FAM98B: variants seen among roughly 807,000 people sequenced by gnomAD.
The protein encoded by FAM98B is tRNA-splicing ligase complex subunit FAM98B.
FAM98B carries 32 observed loss-of-function variants against 43.9 expected under a neutral mutation model. That is an observed-to-expected ratio of 0.73 (90% CI 0.55 to 0.98). FAM98B has a LOEUF of 0.98. Ranked by LOEUF, FAM98B falls within the 50% of genes least tolerant of loss-of-function variation. The probability of loss-of-function intolerance (pLI) is 0.00; values close to 1 mark genes in which losing one functional copy is unlikely to be tolerated. For missense variants in FAM98B, 514 were observed against 522.9 expected (o/e 0.98, Z 0.17); for synonymous variants, 190 against 174.0 (o/e 1.09, Z -0.72).
intron 5 of FAM98B, 124 bp from the exon 6 acceptor site, chr15:38,474,058 C>A (rs1890161639): frequency 4.7e-6 from 3 of 632,244 alleles, no homozygotes; most frequent in Non-Finnish European, 8.4e-6. Flanking sequence ...CTCATGGGAA[C>A]AGAAAATGGT....
intron 1 of FAM98B, 141 bp downstream of exon 1, chr15:38,454,373 A>G (rs1372704245): frequency 1.5e-5 from 13 of 845,084 alleles, no homozygotes; most frequent in Non-Finnish European, 2.4e-5. Context: ...TCCGGCGCCG[A>G]CGGAGTTAAG....
chr15:38,481,567 A>T, intron 7 of FAM98B, 108 bp downstream of exon 7: 1 of 1,612,694 alleles, frequency 6.2e-7, no homozygotes, highest in Non-Finnish European at 8.5e-7. Flanking sequence ...TGTTTAGAAA[A>T]AAGAGTGGCA....
chr15:38,456,220 G>A (rs1266860991), intron 1 of FAM98B, among the ~76,000 whole-genome samples: 1 of 152,192 alleles, frequency 6.6e-6, no homozygotes, highest in Admixed American at 6.5e-5. Context: ...AGAGAGGGCT[G>A]GAGCAGATGA....
intron 7 of FAM98B, chr15:38,482,860 A>T (rs576011453): frequency 1.1e-4 from 16 of 152,346 alleles, no homozygotes; most frequent in Non-Finnish European, 1.5e-4. Context: ...TTGGATACTT[A>T]AACTCTTCCC....
chr15:38,481,464 G>A lies in FAM98B; in HGVS notation c.897+5G>A, dbSNP rs1438478083. The A allele has an allele frequency of 1.2e-6, 2 of 1,614,076 alleles. No individual in the cohort carries two copies. The highest frequency in any genetic ancestry group is 2.7e-5 in the African/African-American group (2 of 74,942). ...ACCGCATGTGCCATTAATAAGGTTG[G>A]TGTTTCTTTCAGTACAGTGGAAAAT... is the stretch of plus-strand genomic sequence containing the variant. On this transcript the variant is annotated splice_donor_5th_base_variant and intron_variant, in intron 7 of 7. Transcript: ENST00000397609.
At chr15:38,457,629 T>C (rs909336012) in intron 1 of FAM98B, among the ~76,000 whole-genome samples, 3 of 152,030 alleles carry the variant, frequency 2.0e-5, no homozygotes, top group Admixed American at 1.3e-4. Flanking sequence ...CAGGTTGGAA[T>C]TGAGAGCTCA....
At chr15:38,456,120 T>A in intron 1 of FAM98B, among the ~76,000 whole-genome samples, 1 of 152,180 alleles carries the variant, frequency 6.6e-6, no homozygotes, top group East Asian at 1.9e-4. Context: ...GGGAGGCATT[T>A]GAAGGGAAAA....
At position 38,484,629 on chromosome 15, in the gene FAM98B, T is replaced by TGGTGGAGGA. The variant is rs780344256; in HGVS notation, c.1279_1287dup (p.Gly427_Gly429dup). The TGGTGGAGGA allele has an allele frequency of 7.9e-7, 1 of 1,266,754 alleles. No individual in the cohort carries two copies. The highest frequency in any genetic ancestry group is 1.1e-6 in the Non-Finnish European group (1 of 934,132). The allele number at this position is 1,266,754 out of a possible 1,614,324, so 78.5% of individuals were successfully genotyped here. A position where few individuals can be genotyped will look rare whatever the true frequency, so the allele number is the denominator to read the frequency against. On this transcript the variant is annotated inframe_insertion, in exon 8 of 8. Coordinates refer to ENST00000397609, the MANE Select transcript of FAM98B (RefSeq NM_173611.4). ...GAGGTGGTGGTGGTGGTGGTGGTGG[T>TGGTGGAGGA]GGTGGAGGAGGTGGATATAGAAGAT...
intron 6 of FAM98B, among the ~76,000 whole-genome samples, chr15:38,476,538 C>A (rs999936385): frequency 2.0e-5 from 3 of 150,176 alleles, no homozygotes; most frequent in African/African-American, 7.4e-5. Flanking sequence ...TTTCTCTCTC[C>A]TTTTTTAATT....
chr15:38,459,046 G>T, intron 1 of FAM98B: 2 of 344,604 alleles, frequency 5.8e-6, no homozygotes. Context: ...TCCGTCACAG[G>T]GTTGGCATAC....
chr15:38,479,719 T>C (rs1349853750), intron 6 of FAM98B, among the ~76,000 whole-genome samples: 3 of 152,198 alleles, frequency 2.0e-5, no homozygotes, highest in Admixed American at 6.5e-5. Flanking sequence ...TATATAAATT[T>C]CAGAGTAAAA....
Position 38,473,077 on chromosome 15 carries a change from CAA to C in FAM98B, c.532-427_532-426del, listed in dbSNP as rs151022968. 2.1e-3 allele frequency among the ~76,000 whole-genome samples: 322 copies of C among 152,190 alleles called. 3 individuals carry two copies. The highest frequency in any genetic ancestry group is 7.0e-3 in the African/African-American group (292 of 41,554). The stretch of plus-strand genomic sequence containing the variant: ...TATGTTGTCTTGCTGAACAATGAAA[CAA>C]GAGTACTTACAACTGGAATGTGTAC... On this transcript the variant is annotated intron_variant, in intron 4 of 7. Transcript: ENST00000397609.
At chr15:38,459,274 G>T in intron 1 of FAM98B, 1 of 491,370 alleles carries the variant, frequency 2.0e-6, no homozygotes, top group South Asian at 1.5e-5. Flanking sequence ...TGTCACCTTG[G>T]GGCAGACACG....
chr15:38,464,095 A>G lies in FAM98B; in HGVS notation c.135A>G (p.Ser45=), dbSNP rs1334730960. The G allele has an allele frequency of 6.2e-7, 1 of 1,613,652 alleles. No homozygotes were observed. The highest frequency in any genetic ancestry group is 8.5e-7 in the Non-Finnish European group (1 of 1,179,842). The change falls in exon 2 of 8, where the codon TCA becomes TCG. Residue 45 remains serine, a synonymous_variant. Transcript: ENST00000397609. The stretch of plus-strand genomic sequence containing the variant: ...AGGCGGCAGAGGGTGGATTATCTTC[A>G]CCTGAATTTTCAGAGCTCTGTATTT... ...LTKAAEGGLS[S]PEFSELCIWL... is the part of the protein sequence containing the mutation.
Position 38,465,406 on chromosome 15 carries a change from A to C in FAM98B, c.352+3A>C. On this transcript the variant is annotated splice_donor_region_variant and intron_variant, in intron 3 of 7. Transcript: ENST00000397609. ...GGAGGACTGTTTGAAACTTCTATGT[A>C]AGTTATCTTGAACATTTAAATGCAT... 6.3e-7 allele frequency: 1 copy of C among 1,579,742 alleles called. No individual in the cohort carries two copies. Among genetic ancestry groups the C allele is most frequent in the East Asian group, 2.3e-5 (1 of 44,154 alleles).
intron 4 of FAM98B, among the ~76,000 whole-genome samples, chr15:38,472,941 T>A (rs1890147979): frequency 6.6e-6 from 1 of 152,212 alleles, no homozygotes; most frequent in African/African-American, 2.4e-5. Context: ...AAATGCCTAA[T>A]ATCTTGTTTA....
intron 6 of FAM98B, among the ~76,000 whole-genome samples, chr15:38,477,485 C>T (rs1890219463): frequency 6.6e-6 from 1 of 152,022 alleles, no homozygotes; most frequent in Admixed American, 6.6e-5. Flanking sequence ...AATTTAGTGT[C>T]TTCAGTATGA....
chr15:38,465,322 A>G lies in FAM98B; in HGVS notation c.271A>G (p.Met91Val), dbSNP rs1350163390. The G allele has an allele frequency of 9.3e-6, 15 of 1,611,660 alleles. No homozygotes were observed. Reference sequence around the variant, plus strand: ...TGAGATAAGTGGCTTTTTAAAAGAAATGGCATGTCCATATTCTGTACTCAT... The same window carrying G: ...TGAGATAAGTGGCTTTTTAAAAGAAGTGGCATGTCCATATTCTGTACTCAT... ...QLEISGFLKE[M>V]ACPYSVLISG... The change falls in exon 3 of 8, where the codon ATG becomes GTG. Residue 91 changes from methionine (M) to valine (V), a missense_variant. Transcript: ENST00000397609.
rs1301828968 is a variant in FAM98B at position 38,481,475 on chromosome 15, A to G, written c.897+16A>G. On this transcript the variant is annotated intron_variant, in intron 7 of 7. Transcript: ENST00000397609. ...CATTAATAAGGTTGGTGTTTCTTTC[A>G]GTACAGTGGAAAATGAATTGATGAT... The G allele has an allele frequency of 6.2e-7, 1 of 1,614,186 alleles. No homozygotes were observed. The highest frequency in any genetic ancestry group is 2.2e-5 in the East Asian group (1 of 44,874).
Sources: allele counts gnomAD v4.1 joint callset (sites outside exome capture counted in the v4.1 genomes callset), GRCh38; gene constraint gnomAD v4.1.1; transcripts MANE v1.5; gene names NCBI Gene and HGNC (gene_info 2026-07-23, HGNC 2026-07-21).